The following TMEM178B variants were observed in gnomAD, a reference collection of about 807,000 sequenced individuals.
TMEM178B encodes transmembrane protein 178B.
TMEM178B carries 5 observed loss-of-function variants against 31.0 expected under a neutral mutation model. The observed-to-expected ratio is 0.16, with a 90% CI of 0.08 to 0.34. The LOEUF (loss-of-function observed/expected upper bound fraction) is 0.34, where lower values mean the gene tolerates loss of function less well. Among genes scored for constraint, TMEM178B ranks in the 10% least tolerant of loss-of-function variants. TMEM178B has a pLI of 1.00. For missense variants in TMEM178B, 275 were observed against 400.3 expected, an observed-to-expected ratio of 0.69 and a Z score of 2.67; for synonymous variants, 164 against 164.0, an observed-to-expected ratio of 1.00 and a Z score of 0.00.
chr7:141,183,649 C>T (rs1301616835), intron 1 of TMEM178B, among the ~76,000 whole-genome samples: 1 of 152,162 alleles, frequency 6.6e-6, no homozygotes, highest in Admixed American at 6.5e-5. Flanking sequence ...CTTTTTGCTT[C>T]TCCAAATAGA....
At chr7:141,253,357 G>A (rs1305536279) in intron 2 of TMEM178B, among the ~76,000 whole-genome samples, 2 of 152,062 alleles carry the variant, frequency 1.3e-5, no homozygotes, top group African/African-American at 2.4e-5. Flanking sequence ...TCCTTTCTCC[G>A]GGGTGTTTGG....
At chr7:141,491,388 A>G in the TMEM178B span, among the ~76,000 whole-genome samples, 1 of 152,062 alleles carries the variant, frequency 6.6e-6, no homozygotes, top group African/African-American at 2.4e-5. Flanking sequence ...TGTAGTTTAT[A>G]TTTTCAAAAT....
At chr7:141,483,618 T>G (rs1371742032), downstream of TMEM178B, among the ~76,000 whole-genome samples, 1 of 152,120 alleles carries the variant, frequency 6.6e-6, no homozygotes, top group Admixed American at 6.5e-5. Flanking sequence ...AATGGAAGAG[T>G]TAGCAAATAT....
At chr7:141,401,983 G>A (rs954331718) in intron 2 of TMEM178B, among the ~76,000 whole-genome samples, 6 of 152,244 alleles carry the variant, frequency 3.9e-5, no homozygotes, top group Admixed American at 1.3e-4. Context: ...AATCCTGCAC[G>A]ATTGTTTCTA....
intron 1 of TMEM178B, among the ~76,000 whole-genome samples, chr7:141,105,615 T>G (rs1795131413): frequency 6.6e-6 from 1 of 152,234 alleles, no homozygotes; most frequent in Non-Finnish European, 1.5e-5. Flanking sequence ...TTCTCCCTAA[T>G]TTCTCTCATC....
At chr7:141,228,069 T>C (rs1458042408) in intron 2 of TMEM178B, among the ~76,000 whole-genome samples, 1 of 152,114 alleles carries the variant, frequency 6.6e-6, no homozygotes, top group East Asian at 1.9e-4. Context: ...TGCACACACA[T>C]ATCACATTCA....
At chr7:141,161,909 C>T (rs1337483246) in intron 1 of TMEM178B, among the ~76,000 whole-genome samples, 2 of 151,374 alleles carry the variant, frequency 1.3e-5, no homozygotes, top group East Asian at 1.9e-4. Flanking sequence ...TCTGAGTGTG[C>T]AAGAGCATGT....
chr7:141,302,823 A>T (rs910336505), intron 2 of TMEM178B, among the ~76,000 whole-genome samples: 62 of 152,342 alleles, frequency 4.1e-4, no homozygotes, highest in Middle Eastern at 3.4e-3. Flanking sequence ...GTCCTGACAG[A>T]TGCCCAGCAT....
At chr7:141,247,879 T>C (rs1797763926) in intron 2 of TMEM178B, among the ~76,000 whole-genome samples, 1 of 152,186 alleles carries the variant, frequency 6.6e-6, no homozygotes, top group Non-Finnish European at 1.5e-5. Flanking sequence ...GTGGTCTTTT[T>C]ATTCCCTCTA....
Position 141,300,594 on chromosome 7 carries a change from A to G in TMEM178B, c.496+87890A>G, listed in dbSNP as rs575606351. Among the ~76,000 whole-genome samples, 21 of 149,806 alleles carry G rather than the reference A, an allele frequency of 1.4e-4. No homozygotes were observed. In the South Asian group the frequency reaches 4.5e-3, roughly 32 times the overall value. On this transcript the variant is annotated intron_variant, in intron 2 of 3. Transcript: ENST00000565468. ...CCCTTCTTCTGCTTCTTCTCCTTCC[A>G]CCTCTTAGTTTCTCGGATCCTCCCA...
At chr7:141,377,001 A>G (rs1053231861) in intron 2 of TMEM178B, among the ~76,000 whole-genome samples, 2 of 152,166 alleles carry the variant, frequency 1.3e-5, no homozygotes, top group African/African-American at 2.4e-5. Context: ...TGACAAATAT[A>G]TATGTACACA....
chr7:141,269,452 T>C (rs547614140), intron 2 of TMEM178B, among the ~76,000 whole-genome samples: 19 of 152,308 alleles, frequency 1.2e-4, no homozygotes, highest in African/African-American at 4.3e-4. Context: ...CAGTTAATAA[T>C]GTAAAAAAGA....
At chr7:141,452,739 A>C (rs527301032) in intron 3 of TMEM178B, among the ~76,000 whole-genome samples, 2 of 152,324 alleles carry the variant, frequency 1.3e-5, no homozygotes, top group South Asian at 2.1e-4. Context: ...ATATATTAAA[A>C]AAAATATCTA....
intron 1 of TMEM178B, among the ~76,000 whole-genome samples, chr7:141,200,714 G>T (rs1796862348): frequency 6.6e-6 from 1 of 152,202 alleles, no homozygotes; most frequent in East Asian, 1.9e-4. Context: ...GGGGTGAACA[G>T]TGTGGGCAAG....
intron 2 of TMEM178B, among the ~76,000 whole-genome samples, chr7:141,437,240 A>C (rs1259092918): frequency 6.6e-6 from 1 of 152,222 alleles, no homozygotes; most frequent in Non-Finnish European, 1.5e-5. Flanking sequence ...TCTACCGCTT[A>C]CTAGCAGTGT....
At chr7:141,511,035 T>C in the TMEM178B span, among the ~76,000 whole-genome samples, 1 of 151,984 alleles carries the variant, frequency 6.6e-6, no homozygotes, top group East Asian at 2.0e-4. Context: ...GCTCCATTAT[T>C]TTAGAACTGT....
At chr7:141,486,804 T>C in the TMEM178B span, among the ~76,000 whole-genome samples, 1 of 152,110 alleles carries the variant, frequency 6.6e-6, no homozygotes, top group African/African-American at 2.4e-5. Flanking sequence ...GACAGTGTCA[T>C]GTGGGGTAGG....
chr7:141,149,720 G>A (rs1047953385), intron 1 of TMEM178B, among the ~76,000 whole-genome samples: 1 of 152,182 alleles, frequency 6.6e-6, no homozygotes, highest in Admixed American at 6.5e-5. Flanking sequence ...AGAAGGGAGC[G>A]ATGCAACTGC....
chr7:141,172,964 A>G (rs569581456), intron 1 of TMEM178B: 1 of 152,338 alleles, frequency 6.6e-6, no homozygotes, highest in African/African-American at 2.4e-5. Flanking sequence ...TCCAGATTCT[A>G]CGTCTGAACA....
Sources: gnomAD v4.1 joint callset for allele counts (sites outside exome capture counted in the v4.1 genomes callset) on GRCh38, gnomAD v4.1.1 for gene constraint, MANE v1.5 for transcripts, NCBI Gene and HGNC (gene_info 2026-07-23, HGNC 2026-07-21) for gene names.